KATNBL1: variants seen among roughly 807,000 people sequenced by gnomAD.
KATNBL1 encodes the protein katanin regulatory subunit B1 like 1, also known as KATNB1-like protein 1.
In KATNBL1, 28 loss-of-function variants were observed where a neutral mutation model predicts 44.7. The observed-to-expected ratio is 0.63, with a 90% CI of 0.46 to 0.86. The LOEUF (loss-of-function observed/expected upper bound fraction) is 0.86. Ranked by LOEUF, KATNBL1 falls within the 40% of genes least tolerant of loss-of-function variation. The pLI is 0.00. For synonymous variants in KATNBL1, 78 were observed against 114.9 expected (o/e 0.68, Z 2.06); for missense variants, 272 against 350.7 (o/e 0.78, Z 1.79).
In KATNBL1 at chr15:34,181,689, T is replaced by G. The variant is rs1337303093; in HGVS notation, c.-14-17999A>C. On this transcript the variant is annotated intron_variant, in intron 1 of 9. Transcript: ENST00000256544. ...ATCCATATATATACACATATATATG[T>G]CCATATATATATCCATATATATGGA... 6.8e-5 allele frequency among the ~76,000 whole-genome samples: 3 copies of G among 44,318 alleles called. 1 individual carries two copies. The highest frequency in any genetic ancestry group is 2.2e-4 in the African/African-American group (3 of 13,372). The allele number at this position is 44,318 out of a possible 152,430, so 29.1% of individuals were successfully genotyped here.
At chr15:34,186,815 C>T (rs1013151277) in intron 1 of KATNBL1, among the ~76,000 whole-genome samples, 5 of 152,228 alleles carry the variant, frequency 3.3e-5, no homozygotes, top group African/African-American at 1.2e-4. Flanking sequence ...GACAAGAGTC[C>T]TGGATGGAAG....
chr15:34,155,567 C>T (rs970273558), intron 2 of KATNBL1, among the ~76,000 whole-genome samples: 1 of 152,148 alleles, frequency 6.6e-6, no homozygotes, highest in Admixed American at 6.5e-5. Flanking sequence ...TTGGACAGAG[C>T]AGTTAGACCT....
At chr15:34,152,341 T>C (rs1391991908) in intron 4 of KATNBL1, among the ~76,000 whole-genome samples, 1 of 152,092 alleles carries the variant, frequency 6.6e-6, no homozygotes, top group East Asian at 1.9e-4. Context: ...GTAGCTGGGA[T>C]TACAGGCGCC....
At chr15:34,156,537 A>G (rs981015934) in intron 2 of KATNBL1, among the ~76,000 whole-genome samples, 5 of 152,126 alleles carry the variant, frequency 3.3e-5, no homozygotes, top group Non-Finnish European at 7.3e-5. Context: ...CTCAATTGCT[A>G]AAGTTTCTTT....
intron 4 of KATNBL1, 108 bp downstream of exon 4, chr15:34,152,682 C>T (rs575707002): frequency 1.4e-5 from 12 of 873,868 alleles, no homozygotes; most frequent in Admixed American, 1.3e-4. Flanking sequence ...AATAAGTCTA[C>T]ATTCAATAGG....
chr15:34,143,136 T>C, intron 9 of KATNBL1: 1 of 630,322 alleles, frequency 1.6e-6, no homozygotes, highest in Non-Finnish European at 2.4e-6. Context: ...CAATAATAAA[T>C]GGTACCTTAA....
intron 1 of KATNBL1, among the ~76,000 whole-genome samples, chr15:34,179,933 CAA>C (rs1176067145): frequency 6.6e-6 from 1 of 151,968 alleles, no homozygotes; most frequent in Non-Finnish European, 1.5e-5. Context: ...AGTAAACAAG[CAA>C]AAAAGGTGGA....
chr15:34,148,775 T>A (rs769448370), intron 4 of KATNBL1, 25 bp from the exon 5 acceptor site: 4 of 1,307,374 alleles, frequency 3.1e-6, no homozygotes, highest in Admixed American at 3.4e-5. Context: ...TCTGATTTGT[T>A]AAAAAGCACA....
intron 1 of KATNBL1, among the ~76,000 whole-genome samples, chr15:34,193,000 G>T (rs1889919981): frequency 6.8e-6 from 1 of 147,440 alleles, no homozygotes; most frequent in South Asian, 2.2e-4. Flanking sequence ...GGCGGATCAT[G>T]AGGTCAGGAG....
intron 4 of KATNBL1, 132 bp from the exon 5 acceptor site, chr15:34,148,882 G>A: frequency 1.8e-6 from 1 of 570,356 alleles, no homozygotes; most frequent in South Asian, 2.1e-5. Context: ...CCCACAAAAA[G>A]GAATACTGCA....
intron 1 of KATNBL1, among the ~76,000 whole-genome samples, chr15:34,190,663 T>C (rs1230946617): frequency 6.6e-6 from 1 of 152,112 alleles, no homozygotes; most frequent in Non-Finnish European, 1.5e-5. Context: ...ATAAATCAGG[T>C]TGACAACATC....
chr15:34,196,574 G>A (rs552310649), intron 1 of KATNBL1, among the ~76,000 whole-genome samples: 25 of 150,950 alleles, frequency 1.7e-4, no homozygotes, highest in Middle Eastern at 3.5e-3. Flanking sequence ...TTAAAAATAC[G>A]AAAACCTGCC....
chr15:34,150,930 G>T (rs998076986), intron 4 of KATNBL1, among the ~76,000 whole-genome samples: 1 of 152,156 alleles, frequency 6.6e-6, no homozygotes, highest in Admixed American at 6.5e-5. Flanking sequence ...GATTGCAAAT[G>T]ACATGATCTT....
intron 1 of KATNBL1, among the ~76,000 whole-genome samples, chr15:34,183,514 C>G (rs1182843708): frequency 2.0e-5 from 3 of 152,160 alleles, no homozygotes; most frequent in South Asian, 2.1e-4. Flanking sequence ...TTAACTAGCT[C>G]TATAACCTTG....
intron 1 of KATNBL1, among the ~76,000 whole-genome samples, chr15:34,206,646 C>T (rs575216921): frequency 6.6e-6 from 1 of 152,120 alleles, no homozygotes; most frequent in South Asian, 2.1e-4. Context: ...CAAAAATTAC[C>T]CGGGCGTGGT....
intron 4 of KATNBL1, 42 bp from the exon 5 acceptor site, chr15:34,148,792 C>T: frequency 1.8e-6 from 2 of 1,114,068 alleles, no homozygotes; most frequent in South Asian, 1.3e-5. Flanking sequence ...CACACTGAAA[C>T]AGGGTATGAA....
intron 7 of KATNBL1, 58 bp downstream of exon 7, chr15:34,147,142 G>T: frequency 9.2e-7 from 1 of 1,089,686 alleles, no homozygotes; most frequent in Non-Finnish European, 1.4e-6. Flanking sequence ...TACTCACAAA[G>T]CACAAAATCA....
At chr15:34,196,702 T>G (rs546335846) in intron 1 of KATNBL1, among the ~76,000 whole-genome samples, 1 of 152,278 alleles carries the variant, frequency 6.6e-6, no homozygotes, top group East Asian at 1.9e-4. Context: ...CACTCCACCC[T>G]GGGTAACAAA....
chr15:34,153,251 T>C (rs1888538485), intron 3 of KATNBL1, among the ~76,000 whole-genome samples, 182 bp from the exon 4 acceptor site: 1 of 152,174 alleles, frequency 6.6e-6, no homozygotes, highest in Admixed American at 6.5e-5. Flanking sequence ...TTACAAATTA[T>C]CTGGAAGACA....
Sources: allele counts gnomAD v4.1 joint callset (sites outside exome capture counted in the v4.1 genomes callset), GRCh38; gene constraint gnomAD v4.1.1; transcripts MANE v1.5; gene names NCBI Gene and HGNC (gene_info 2026-07-23, HGNC 2026-07-21).